SBNO2: variants seen among roughly 807,000 people sequenced by gnomAD.
SBNO2 encodes the protein protein strawberry notch homolog 2.
Under a neutral mutation model 146.3 loss-of-function variants are expected in SBNO2, and 89 were observed. The ratio of observed to expected loss-of-function variants is 0.61; its 90% CI spans 0.51 to 0.73. The LOEUF is 0.73. Among genes scored for constraint, SBNO2 ranks in the 30% least tolerant of loss-of-function variants. SBNO2 has a pLI of 0.00. For missense variants in SBNO2, 2,092 were observed against 2,003.7 expected, an observed-to-expected ratio of 1.04 and a Z score of -0.84; for synonymous variants, 1,147 against 892.6, an observed-to-expected ratio of 1.29 and a Z score of -5.08.
rs548855716 is a variant in SBNO2 at position 1,157,395 on chromosome 19, GCTCTCCCCACGCGGCCCCGGAGACC to G, written c.-126-3018_-126-2994del. On this transcript the variant is annotated intron_variant, in intron 1 of 31. Coordinates refer to ENST00000361757, the MANE Select transcript of SBNO2 (RefSeq NM_014963.3). This position sits in a 1 kb window ranked among gnomAD's most constrained non-coding sequence, Gnocchi z 6.8. ...CCCTCTGCCACGCAGCCCCGGAGAC[GCTCTCCCCACGCGGCCCCGGAGACC>G]CTCTCCCCACGCGGCCCCGGTGACA... 8.4e-3 allele frequency among the ~76,000 whole-genome samples: 1,264 copies of G among 149,784 alleles called. 8 individuals carry two copies. The highest frequency in any genetic ancestry group is 0.038 in the South Asian group (178 of 4,660).
chr19:1,170,903 G>GCATGGGCA (rs1344160341), intron 1 of SBNO2, among the ~76,000 whole-genome samples: 2 of 142,650 alleles, frequency 1.4e-5, no homozygotes, highest in African/African-American at 5.3e-5. Context: ...ACACACGCAA[G>GCATGGGCA]CATGGGCACA....
chr19:1,124,401 C>T (rs1363943034), intron 5 of SBNO2, among the ~76,000 whole-genome samples: 2 of 152,198 alleles, frequency 1.3e-5, no homozygotes, highest in African/African-American at 4.8e-5. Context: ...AGGAGAGACC[C>T]ACTGTGTGCC....
chr19:1,161,904 C>CGGGGG (rs2080348855), intron 1 of SBNO2, among the ~76,000 whole-genome samples: 1 of 1,856 alleles, frequency 5.4e-4, no homozygotes, highest in Non-Finnish European at 1.2e-3. Flanking sequence ...CCTGGGGAGC[C>CGGGGG]GCGGGGGGGG....
Position 1,112,753 on chromosome 19 carries a change from A to G in SBNO2, c.2379+65T>C. ...GTGCGCGGGTCCACAGTCCCCGGGG[A>G]CCCTTGGGCCCCTCTGTGCCTCTTG... On this transcript the variant is annotated intron_variant, in intron 20 of 31. Coordinates refer to ENST00000361757, the MANE Select transcript of SBNO2 (RefSeq NM_014963.3). This position sits in a 1 kb window ranked among gnomAD's most constrained non-coding sequence, Gnocchi z 5.9. 1.3e-6 allele frequency: 2 copies of G among 1,500,230 alleles called. No homozygotes were observed. Among genetic ancestry groups the G allele is most frequent in the Non-Finnish European group, 1.8e-6 (2 of 1,121,584 alleles). 92.9% of individuals were successfully genotyped at this position (1,500,230 alleles called of 1,614,324 possible).
Position 1,124,905 on chromosome 19 carries a change from G to A in SBNO2, c.442-883C>T, listed in dbSNP as rs114041000. Among the ~76,000 whole-genome samples the A allele has an allele frequency of 4.8e-3, 737 of 152,206 alleles. 4 individuals carry two copies. The highest frequency in any genetic ancestry group is 0.017 in the African/African-American group (702 of 41,526). On this transcript the variant is annotated intron_variant, in intron 5 of 31. Coordinates refer to ENST00000361757, the MANE Select transcript of SBNO2 (RefSeq NM_014963.3). ...GGGTCGGGGGGTGGTGTGGCCCGTC[G>A]TCATGCCCACTGTCCAGACGCCAAC...
At position 1,108,309 on chromosome 19, in the gene SBNO2, C is replaced by A. The variant is rs1568544182; in HGVS notation, c.4012G>T (p.Gly1338Trp). ...CCACCGCCCGCCGCGCCCCCCGCCC[C>A]CGCGCCCTCCCCCAGCGCGCCCTCG... ...PSEGALGEGA[G>W]AGGAAGGGPE... The change falls in exon 32 of 32, where the codon GGG (glycine) becomes TGG (tryptophan). Residue 1338 changes from glycine to tryptophan, a missense_variant. By Grantham distance (184) the Gly-to-Trp change is radical. Coordinates refer to ENST00000361757, the MANE Select transcript of SBNO2 (RefSeq NM_014963.3). 1 of 1,459,202 alleles carries A rather than the reference C, an allele frequency of 6.9e-7. No homozygotes were observed. The highest frequency in any genetic ancestry group is 9.1e-7 in the Non-Finnish European group (1 of 1,101,664). 90.4% of individuals were successfully genotyped at this position (1,459,202 alleles called of 1,614,324 possible). A position where few individuals can be genotyped will look rare whatever the true frequency, so the allele number is the denominator to read the frequency against.
At chr19:1,166,601 G>A (rs1225988211) in intron 1 of SBNO2, among the ~76,000 whole-genome samples, 1 of 129,294 alleles carries the variant, frequency 7.7e-6, no homozygotes, top group Non-Finnish European at 1.6e-5. Flanking sequence ...AACAGAGCGA[G>A]ACCGCAACTG....
chr19:1,163,486 C>G (rs1337332859), intron 1 of SBNO2, among the ~76,000 whole-genome samples: 2 of 152,200 alleles, frequency 1.3e-5, no homozygotes, highest in Non-Finnish European at 2.9e-5. Context: ...ACGAGAAGCT[C>G]GTCCAGGGAG....
rs762415284 is a variant in SBNO2 at position 1,124,048 on chromosome 19, C to A, written c.442-26G>T. ...CTGGAAGGGGAGCAGGATGTCAGCCCGGGCCAGACGGGACAGGTCACAGCT... is the reference window on the plus strand; with the variant it reads ...CTGGAAGGGGAGCAGGATGTCAGCCAGGGCCAGACGGGACAGGTCACAGCT... On this transcript the variant is annotated intron_variant, in intron 5 of 31. Coordinates refer to ENST00000361757, the MANE Select transcript of SBNO2 (RefSeq NM_014963.3). The A allele has an allele frequency of 6.3e-6, 10 of 1,599,678 alleles. No individual in the cohort carries two copies. The South Asian group carries it at 1.0e-4, about 16-fold the overall frequency.
At chr19:1,132,886 C>G (rs1029051956) in intron 4 of SBNO2, among the ~76,000 whole-genome samples, 1 of 152,246 alleles carries the variant, frequency 6.6e-6, no homozygotes, top group South Asian at 2.1e-4. Flanking sequence ...TGGGCAGGAA[C>G]AAGTGGTAGC....
At chr19:1,169,359 G>A (rs1188434418) in intron 1 of SBNO2, among the ~76,000 whole-genome samples, 1 of 152,240 alleles carries the variant, frequency 6.6e-6, no homozygotes, top group Admixed American at 6.5e-5. Flanking sequence ...GCCTCCGTGG[G>A]ACTGAGCTTC....
At chr19:1,120,102 C>G (rs2074922) in intron 11 of SBNO2, 79 bp from the exon 12 acceptor site, 515,210 of 1,130,094 alleles carry the variant, frequency 0.46, 121,589 homozygotes, top group Admixed American at 0.56. Flanking sequence ...ACCCAAGACC[C>G]CACCTTCCTG....
intron 4 of SBNO2, chr19:1,132,111 C>A: frequency 6.5e-7 from 1 of 1,538,356 alleles, no homozygotes; most frequent in East Asian, 2.7e-5. Context: ...CCTCAAACTG[C>A]AGCCACAGCT....
In SBNO2 at chr19:1,117,423, T is replaced by C. The variant is rs1471806429; in HGVS notation, c.1604A>G (p.Gln535Arg). ...GAAGCGCTGGTGTGCCGACCAGAACTGGCCCCACAGGGACTTGCGCGACTC... is the reference window on the plus strand; with the variant it reads ...GAAGCGCTGGTGTGCCGACCAGAACCGGCCCCACAGGGACTTGCGCGACTC... ...GLESRKSLWG[Q>R]FWSAHQRFFK... Residue 535 changes from glutamine (Q) to arginine (R), a missense_variant, in exon 15 of 32, where the codon CAG (glutamine) becomes CGG (arginine). Gln to Arg is a conservative substitution (Grantham distance 43). Coordinates refer to ENST00000361757, the MANE Select transcript of SBNO2 (RefSeq NM_014963.3). The C allele has an allele frequency of 6.3e-7, 1 of 1,591,244 alleles. No homozygotes were observed. Among genetic ancestry groups the C allele is most frequent in the Non-Finnish European group, 8.5e-7 (1 of 1,170,438 alleles).
Position 1,112,662 on chromosome 19 carries a change from C to T in SBNO2, c.2380-125G>A, listed in dbSNP as rs963534537. The stretch of plus-strand genomic sequence containing the variant: ...ACGTCCCGGGGCAGCGAGAGGCCTG[C>T]GGGGCGCGGACACCACCCGCCACAC... On this transcript the variant is annotated intron_variant, in intron 20 of 31. Transcript: ENST00000361757. This position sits in a 1 kb window ranked among gnomAD's most constrained non-coding sequence, Gnocchi z 5.9. 17 of 1,440,462 alleles carry T rather than the reference C, an allele frequency of 1.2e-5. No homozygotes were observed. The highest frequency in any genetic ancestry group is 5.7e-5 in the African/African-American group (4 of 70,520). The allele number at this position is 1,440,462 out of a possible 1,614,324, so 89.2% of individuals were successfully genotyped here.
At position 1,147,435 on chromosome 19, in the gene SBNO2, G is replaced by C. The variant is rs373067455; in HGVS notation, c.168-15C>G. 653 of 1,277,128 alleles carry C rather than the reference G, an allele frequency of 5.1e-4. 21 individuals carry two copies. Among genetic ancestry groups the C allele is most frequent in the Middle Eastern group, 8.0e-4 (3 of 3,730 alleles). The allele number at this position is 1,277,128 out of a possible 1,614,324, so 79.1% of individuals were successfully genotyped here. On this transcript the variant is annotated splice_polypyrimidine_tract_variant and intron_variant, in intron 3 of 31. Transcript: ENST00000361757. ...TCATGAACGGGCTGGAGGGAGATGG[G>C]GGGGGGGGAGGTGAGATGGGGTGCT...
In SBNO2 at chr19:1,109,151, A is replaced by C; in HGVS notation, c.3409T>G (p.Cys1137Gly). Residue 1137 changes from cysteine to glycine, a missense_variant, in exon 30 of 32, where the codon TGC (cysteine) becomes GGC (glycine). By Grantham distance (159) the Cys-to-Gly change is radical. Coordinates refer to ENST00000361757, the MANE Select transcript of SBNO2 (RefSeq NM_014963.3). This position sits in a 1 kb window ranked among gnomAD's most constrained non-coding sequence, Gnocchi z 4.2. ...ESGYALSLTHCSHSAWNRHCR... is the reference protein window; with the variant it reads ...ESGYALSLTHGSHSAWNRHCR... ...CGCCCTCACCAGGCGCTGTGGCTGC[A>C]GTGCGTCAGCGACAAAGCGTAGCCA... 2.6e-6 allele frequency: 4 copies of C among 1,554,706 alleles called. No homozygotes were observed. The highest frequency in any genetic ancestry group is 3.5e-6 in the Non-Finnish European group (4 of 1,149,808).
rs372316526 is a variant in SBNO2, at chr19:1,109,139, C to T, written c.3421G>A (p.Ala1141Thr). ...ALSLTHCSHS[A>T]WNRHCRLAQE... ...TGGTCCCCGGCCCGCCCTCACCAGG[C>T]GCTGTGGCTGCAGTGCGTCAGCGAC... Residue 1141 changes from alanine (A) to threonine (T), a missense_variant, in exon 30 of 32, where the codon GCC becomes ACC. By Grantham distance (58) the Ala-to-Thr change is moderately conservative (BLOSUM62 0). Coordinates refer to ENST00000361757, the MANE Select transcript of SBNO2 (RefSeq NM_014963.3). This position sits in a 1 kb window ranked among gnomAD's most constrained non-coding sequence, Gnocchi z 4.2. 6 of 1,552,644 alleles carry T rather than the reference C, an allele frequency of 3.9e-6. No homozygotes were observed. Among genetic ancestry groups the T allele is most frequent in the East Asian group, 2.4e-5 (1 of 41,204 alleles).
At chr19:1,117,835 G>C (rs2079851613) in intron 14 of SBNO2, among the ~76,000 whole-genome samples, 1 of 152,264 alleles carries the variant, frequency 6.6e-6, no homozygotes. Context: ...GTGTGATCCT[G>C]TCCAGGGGAC....
Sources: gnomAD v4.1 joint callset for allele counts (sites outside exome capture counted in the v4.1 genomes callset) on GRCh38, gnomAD v4.1.1 for gene constraint, Gnocchi (gnomAD v3.1) non-coding constraint, MANE v1.5 for transcripts, NCBI Gene and HGNC (gene_info 2026-07-23, HGNC 2026-07-21) for gene names.